DTWD2: variants seen among roughly 807,000 people sequenced by gnomAD.
DTWD2 encodes tRNA-uridine aminocarboxypropyltransferase 2.
Under a neutral mutation model 31.8 loss-of-function variants are expected in DTWD2, and 39 were observed. That is an observed-to-expected ratio of 1.22 (90% CI 0.95 to 1.60). The LOEUF (loss-of-function observed/expected upper bound fraction) is 1.60. Among genes scored for constraint, DTWD2 ranks in the 40% most tolerant of loss-of-function variants. The probability of loss-of-function intolerance (pLI) is 0.00; values close to 1 mark genes in which losing one functional copy is unlikely to be tolerated. For missense variants in DTWD2, 515 were observed against 381.5 expected (o/e 1.35, Z -2.92); for synonymous variants, 180 against 142.8 (o/e 1.26, Z -1.86).
chr5:118,964,896 C>T (rs1253623399), intron 1 of DTWD2, among the ~76,000 whole-genome samples: 4 of 151,948 alleles, frequency 2.6e-5, no homozygotes, highest in Admixed American at 1.3e-4. Context: ...TCTGCCTGGC[C>T]GCCCATCGTC....
intron 4 of DTWD2, among the ~76,000 whole-genome samples, chr5:118,880,576 A>C (rs1752718942): frequency 6.6e-6 from 1 of 152,196 alleles, no homozygotes; most frequent in African/African-American, 2.4e-5. Flanking sequence ...GCATCTCTAC[A>C]AACACATACC....
At chr5:118,946,679 A>C (rs544982238) in intron 1 of DTWD2, among the ~76,000 whole-genome samples, 1 of 152,216 alleles carries the variant, frequency 6.6e-6, no homozygotes, top group South Asian at 2.1e-4. Flanking sequence ...TTTTTTAATA[A>C]ATCTATTCAA....
At chr5:118,969,364 T>A (rs551988047) in intron 1 of DTWD2, among the ~76,000 whole-genome samples, 2 of 152,206 alleles carry the variant, frequency 1.3e-5, no homozygotes, top group East Asian at 3.9e-4. Flanking sequence ...CCTGATCCTG[T>A]TCCCCCTGAC....
intron 4 of DTWD2, among the ~76,000 whole-genome samples, chr5:118,888,831 A>G (rs1040349234): frequency 2.0e-5 from 3 of 152,054 alleles, no homozygotes; most frequent in African/African-American, 7.2e-5. Context: ...ATGTGGTTTT[A>G]TTTGCATTTC....
In DTWD2 at chr5:118,839,378, C is replaced by T. The variant is rs1751654679; in HGVS notation, c.*1539G>A. Reference sequence around the variant, plus strand: ...TGTTTATTTATTTATTTATTTTAGACAGGTCTCACTCTGTAGCCCAGGCTG... The same window carrying T: ...TGTTTATTTATTTATTTATTTTAGATAGGTCTCACTCTGTAGCCCAGGCTG... On this transcript the variant is annotated 3_prime_UTR_variant, in exon 6 of 6. Transcript: ENST00000510708. 1 of 151,926 alleles carries T rather than the reference C, an allele frequency of 6.6e-6. No homozygotes were observed. Among genetic ancestry groups the T allele is most frequent in the Non-Finnish European group, 1.5e-5 (1 of 67,980 alleles). 9.4% of individuals were successfully genotyped at this position (151,926 alleles called of 1,614,324 possible).
rs536320169 is a variant in DTWD2 at position 118,841,964 on chromosome 5, A to G, written c.727-877T>C. Among the ~76,000 whole-genome samples the G allele has an allele frequency of 1.2e-4, 18 of 152,278 alleles. No homozygotes were observed. The East Asian group carries it at 3.5e-3, about 29-fold the overall frequency. On this transcript the variant is annotated intron_variant, in intron 5 of 5. Transcript: ENST00000510708. ...TAGATTTAACTACAAAAAATTCACA[A>G]TGTCTACGTGAAAATGTATTAACCC... is the stretch of plus-strand genomic sequence containing the variant.
intron 1 of DTWD2, among the ~76,000 whole-genome samples, chr5:118,958,063 A>T (rs1042164463): frequency 6.6e-6 from 1 of 152,190 alleles, no homozygotes; most frequent in African/African-American, 2.4e-5. Context: ...CAAAATAATT[A>T]TATCACTGGC....
chr5:118,882,902 C>T (rs1752774470), intron 4 of DTWD2, among the ~76,000 whole-genome samples: 1 of 152,262 alleles, frequency 6.6e-6, no homozygotes, highest in African/African-American at 2.4e-5. Flanking sequence ...TAACACTCAG[C>T]TCCTCATTAC....
At chr5:118,907,314 T>C (rs1252291290) in intron 4 of DTWD2, among the ~76,000 whole-genome samples, 1 of 152,118 alleles carries the variant, frequency 6.6e-6, no homozygotes, top group African/African-American at 2.4e-5. Context: ...TAGTCAGGGT[T>C]CTCCCCAGAA....
chr5:118,863,135 A>ATGTGT (rs1210309138), intron 4 of DTWD2, among the ~76,000 whole-genome samples: 103 of 152,290 alleles, frequency 6.8e-4, no homozygotes, highest in African/African-American at 2.4e-3. Flanking sequence ...TCAATAACAC[A>ATGTGT]AGTGGACACT....
chr5:118,848,226 C>A lies in DTWD2; in HGVS notation c.598-8G>T. On this transcript the variant is annotated splice_polypyrimidine_tract_variant and splice_region_variant and intron_variant, in intron 4 of 5. Coordinates refer to ENST00000510708, the MANE Select transcript of DTWD2 (RefSeq NM_173666.4). ...GCTAGTTTTTAATTGCACCTGAAAT[C>A]AAAAACAAAATAGAACATAATTTTT... is the stretch of plus-strand genomic sequence containing the variant. 1.3e-6 allele frequency: 2 copies of A among 1,574,306 alleles called. No individual in the cohort carries two copies. The highest frequency in any genetic ancestry group is 1.7e-6 in the Non-Finnish European group (2 of 1,166,958).
intron 4 of DTWD2, among the ~76,000 whole-genome samples, chr5:118,877,364 T>C (rs188000326): frequency 0.026 from 3,989 of 151,766 alleles, 171 homozygotes; most frequent in African/African-American, 0.091. Flanking sequence ...CCCAGGTACT[T>C]GGGAGGCTGA....
At chr5:118,850,380 A>C (rs1041489937) in intron 4 of DTWD2, among the ~76,000 whole-genome samples, 1 of 141,502 alleles carries the variant, frequency 7.1e-6, no homozygotes, top group Non-Finnish European at 1.5e-5. Flanking sequence ...TGGGAGCCTG[A>C]GGCAGGAGAA....
chr5:118,958,680 C>T (rs964483514), intron 1 of DTWD2, among the ~76,000 whole-genome samples: 4 of 150,080 alleles, frequency 2.7e-5, no homozygotes, highest in Non-Finnish European at 4.4e-5. Context: ...CCTTGATGAA[C>T]ATAAATGCAA....
chr5:118,936,504 T>C (rs1754048882), intron 3 of DTWD2, among the ~76,000 whole-genome samples: 1 of 151,348 alleles, frequency 6.6e-6, no homozygotes, highest in South Asian at 2.1e-4. Context: ...GATTTACAGC[T>C]GAAATGTTTA....
chr5:118,914,792 T>C (rs1029386009), intron 4 of DTWD2, among the ~76,000 whole-genome samples: 1 of 152,156 alleles, frequency 6.6e-6, no homozygotes, highest in South Asian at 2.1e-4. Flanking sequence ...CACAGTTCAA[T>C]ATTAGGAAGC....
chr5:118,888,704 C>T (rs1361296100), intron 4 of DTWD2, among the ~76,000 whole-genome samples: 1 of 152,210 alleles, frequency 6.6e-6, no homozygotes, highest in African/African-American at 2.4e-5. Context: ...GTGATACTAT[C>T]ATTTTACATT....
chr5:118,883,362 T>C (rs1409751335), intron 4 of DTWD2, among the ~76,000 whole-genome samples: 1 of 152,202 alleles, frequency 6.6e-6, no homozygotes, highest in Non-Finnish European at 1.5e-5. Flanking sequence ...CTTCCTGTCT[T>C]TTTCTGAGCC....
chr5:118,926,534 T>C (rs551092753), intron 4 of DTWD2, among the ~76,000 whole-genome samples: 1 of 152,192 alleles, frequency 6.6e-6, no homozygotes, highest in East Asian at 1.9e-4. Flanking sequence ...CCAAAAGCTA[T>C]TGAAATTTTA....
Sources: gnomAD v4.1 joint callset for allele counts (sites outside exome capture counted in the v4.1 genomes callset) on GRCh38, gnomAD v4.1.1 for gene constraint, MANE v1.5 for transcripts, NCBI Gene and HGNC (gene_info 2026-07-23, HGNC 2026-07-21) for gene names.